Variants in S100Z observed in about 807,000 individuals in gnomAD.
The protein encoded by S100Z is protein S100-Z.
Under a neutral mutation model 8.5 loss-of-function variants are expected in S100Z, and 11 were observed. The ratio of observed to expected loss-of-function variants is 1.30; its 90% CI spans 0.82 to 2.15. S100Z has a LOEUF of 2.15. Ranked by LOEUF, S100Z falls within the 30% of genes most tolerant of loss-of-function variation. The pLI is 0.00. For missense variants in S100Z, 126 were observed against 117.9 expected (o/e 1.07, Z -0.32); for synonymous variants, 34 against 43.8 (o/e 0.78, Z 0.89).
At chr5:76,852,698 G>A (rs895867308) in intron 1 of S100Z, among the ~76,000 whole-genome samples, 1 of 152,176 alleles carries the variant, frequency 6.6e-6, no homozygotes, top group African/African-American at 2.4e-5. Context: ...CTGGGTGACA[G>A]AGTGAGACTC....
chr5:76,893,182 A>T lies in S100Z; in HGVS notation c.*2+15348A>T, dbSNP rs1285547362. Among the ~76,000 whole-genome samples the T allele has an allele frequency of 4.0e-5, 6 of 150,864 alleles. No individual in the cohort carries two copies. In the East Asian group the frequency reaches 9.6e-4, roughly 24 times the overall value. ...CTATATAATATTAACTTTAAACAACAGAATGTTTGATTGGCCCAAATTTGG... is the reference window on the plus strand; with the variant it reads ...CTATATAATATTAACTTTAAACAACTGAATGTTTGATTGGCCCAAATTTGG... On this transcript the variant is annotated intron_variant, in intron 4 of 4. Coordinates refer to ENST00000317593, the MANE Select transcript of S100Z (RefSeq NM_130772.4).
intron 4 of S100Z, among the ~76,000 whole-genome samples, chr5:76,905,736 G>A (rs950892380): frequency 6.6e-6 from 1 of 152,128 alleles, no homozygotes; most frequent in Admixed American, 6.6e-5. Flanking sequence ...TTTGTAGCTA[G>A]TGCAAGGTAT....
At position 76,850,126 on chromosome 5, in the gene S100Z, T is replaced by C. The variant is rs989577551; in HGVS notation, c.-205T>C. On this transcript the variant is annotated 5_prime_UTR_variant, in exon 1 of 5. Transcript: ENST00000317593. ...GAAATTCAGACAAGAGCATTCTCCT[T>C]ATCTCATCTGCACAGGAAGCAGGTC... The C allele has an allele frequency of 6.6e-6, 1 of 152,138 alleles. No homozygotes were observed. The highest frequency in any genetic ancestry group is 2.4e-5 in the African/African-American group (1 of 41,428). 9.4% of individuals were successfully genotyped at this position (152,138 alleles called of 1,614,324 possible). A position where few individuals can be genotyped will look rare whatever the true frequency, so the allele number is the denominator to read the frequency against.
downstream of S100Z, among the ~76,000 whole-genome samples, chr5:76,923,018 A>AAAC (rs1309335314): frequency 6.6e-6 from 1 of 152,012 alleles, no homozygotes; most frequent in Non-Finnish European, 1.5e-5. Flanking sequence ...CTATGTAAAA[A>AAAC]AAAAAAAAAT....
intron 4 of S100Z, among the ~76,000 whole-genome samples, chr5:76,885,138 G>A (rs945908154): frequency 3.9e-5 from 6 of 152,194 alleles, no homozygotes; most frequent in East Asian, 1.9e-4. Flanking sequence ...AAAATAAGGC[G>A]TTTAAGTTTT....
chr5:76,947,204 C>A, the S100Z span, among the ~76,000 whole-genome samples: 1 of 150,896 alleles, frequency 6.6e-6, no homozygotes, highest in Non-Finnish European at 1.5e-5. Context: ...CGTCCTGGCC[C>A]CCCCATGTAT....
chr5:76,897,833 G>A (rs141115732), intron 4 of S100Z, among the ~76,000 whole-genome samples: 2,202 of 152,162 alleles, frequency 0.014, 65 homozygotes, highest in East Asian at 0.12. Context: ...TGTTGATTTT[G>A]TATCTTGGAA....
intron 4 of S100Z, among the ~76,000 whole-genome samples, chr5:76,896,860 T>G (rs1164031986): frequency 6.6e-6 from 1 of 152,242 alleles, no homozygotes; most frequent in Non-Finnish European, 1.5e-5. Context: ...ATTTAAATCT[T>G]TTGCCTACTT....
chr5:76,906,060 G>T (rs890926334), intron 4 of S100Z, among the ~76,000 whole-genome samples: 4 of 152,150 alleles, frequency 2.6e-5, no homozygotes, highest in Non-Finnish European at 4.4e-5. Context: ...GAAGTCCTGG[G>T]CTCAAGCAAT....
chr5:76,887,278 G>A (rs181170941), intron 4 of S100Z, among the ~76,000 whole-genome samples: 10 of 150,250 alleles, frequency 6.7e-5, no homozygotes, highest in Non-Finnish European at 1.0e-4. Context: ...TGTATTTTTA[G>A]TAGAGACAGG....
At chr5:76,875,135 C>G (rs1394388864) in intron 2 of S100Z, among the ~76,000 whole-genome samples, 169 bp from the exon 3 acceptor site, 1 of 152,200 alleles carries the variant, frequency 6.6e-6, no homozygotes, top group Admixed American at 6.5e-5. Context: ...TTGTGATCCA[C>G]CCATCTCTGC....
chr5:76,912,455 A>G (rs759177241), intron 4 of S100Z, among the ~76,000 whole-genome samples: 1 of 152,226 alleles, frequency 6.6e-6, no homozygotes, highest in Non-Finnish European at 1.5e-5. Context: ...AGGTTATGTC[A>G]TAGTTAATGA....
At chr5:76,933,777 A>G in the S100Z span, among the ~76,000 whole-genome samples, 1 of 152,174 alleles carries the variant, frequency 6.6e-6, no homozygotes, top group Non-Finnish European at 1.5e-5. Context: ...TAAGTGTACA[A>G]TTCAGTATTA....
intron 4 of S100Z, among the ~76,000 whole-genome samples, chr5:76,893,912 C>A (rs1249544361): frequency 2.0e-5 from 3 of 152,132 alleles, no homozygotes; most frequent in Non-Finnish European, 4.4e-5. Context: ...AATACAGAAT[C>A]CATTATCTTG....
At chr5:76,951,317 G>A in the S100Z span, among the ~76,000 whole-genome samples, 1 of 152,266 alleles carries the variant, frequency 6.6e-6, no homozygotes, top group Non-Finnish European at 1.5e-5. Context: ...GCGTGCATGT[G>A]TGTGTGCACA....
Position 76,883,414 on chromosome 5 carries a change from T to C in S100Z, c.*2+5580T>C, listed in dbSNP as rs148040119. ...ACTAAAATGAGTGCATAAAAGAATATTGTCCAAGTTGGCACCAGAGTTGGG... is the reference window on the plus strand; with the variant it reads ...ACTAAAATGAGTGCATAAAAGAATACTGTCCAAGTTGGCACCAGAGTTGGG... On this transcript the variant is annotated intron_variant, in intron 4 of 4. Transcript: ENST00000317593. 6.0e-4 allele frequency among the ~76,000 whole-genome samples: 92 copies of C among 152,260 alleles called. No individual in the cohort carries two copies. The Middle Eastern group carries it at 0.01, about 17-fold the overall frequency.
At chr5:76,910,328 C>T (rs1362152035) in intron 4 of S100Z, among the ~76,000 whole-genome samples, 2 of 152,050 alleles carry the variant, frequency 1.3e-5, no homozygotes, top group Admixed American at 6.6e-5. Flanking sequence ...GGGCCCTGAA[C>T]AAAATCTGGA....
At chr5:76,945,160 G>T in the S100Z span, among the ~76,000 whole-genome samples, 1 of 152,196 alleles carries the variant, frequency 6.6e-6, no homozygotes, top group Non-Finnish European at 1.5e-5. Context: ...TGTGCAGGAT[G>T]TGCCTTGTTA....
the S100Z span, among the ~76,000 whole-genome samples, chr5:76,938,263 G>C: frequency 0.74 from 112,924 of 152,046 alleles, 42,571 homozygotes; most frequent in East Asian, 0.93. Flanking sequence ...AAAGGTAGTT[G>C]CATGACCTAC....
Sources: allele counts gnomAD v4.1 joint callset (sites outside exome capture counted in the v4.1 genomes callset), GRCh38; gene constraint gnomAD v4.1.1; transcripts MANE v1.5; gene names NCBI Gene and HGNC (gene_info 2026-07-23, HGNC 2026-07-21).